The following DGLUCY variants were observed in gnomAD, a reference collection of about 807,000 sequenced individuals.
DGLUCY encodes the protein D-glutamate cyclase, also known as D-glutamate cyclase, mitochondrial.
DGLUCY carries 58 observed loss-of-function variants against 58.5 expected under a neutral mutation model. The observed-to-expected ratio is 0.99, with a 90% confidence interval of 0.80 to 1.23. The LOEUF is 1.23. DGLUCY is among the 50% of genes most tolerant of loss of function. The pLI, the probability that DGLUCY is intolerant of heterozygous loss-of-function variation, is 0.00. For missense variants in DGLUCY, 779 were observed against 784.7 expected (o/e 0.99, Z 0.09); for synonymous variants, 325 against 314.1 (o/e 1.03, Z -0.37).
chr14:91,123,385 TG>T (rs1412811686), intron 1 of DGLUCY, among the ~76,000 whole-genome samples: 1 of 152,030 alleles, frequency 6.6e-6, no homozygotes, highest in Non-Finnish European at 1.5e-5. Context: ...TGGCAGGCCC[TG>T]GCAAATGGCA....
chr14:91,163,050 G>A (rs1239049133), intron 3 of DGLUCY, among the ~76,000 whole-genome samples: 1 of 152,162 alleles, frequency 6.6e-6, no homozygotes, highest in African/African-American at 2.4e-5. Flanking sequence ...CTGAGGTCAG[G>A]AGTTCAAGAT....
intron 1 of DGLUCY, among the ~76,000 whole-genome samples, chr14:91,119,631 G>A (rs1035638574): frequency 1.2e-4 from 19 of 152,048 alleles, no homozygotes; most frequent in East Asian, 3.9e-4. Context: ...CCTCTCCCTC[G>A]GTGTGATGGC....
chr14:91,173,936 C>T (rs1325321115), intron 6 of DGLUCY, among the ~76,000 whole-genome samples: 2 of 151,888 alleles, frequency 1.3e-5, no homozygotes, highest in Non-Finnish European at 2.9e-5. Flanking sequence ...TTCTTGGAAC[C>T]TCCAAAATGC....
chr14:91,147,277 G>A (rs149829654), intron 1 of DGLUCY, among the ~76,000 whole-genome samples: 2 of 152,166 alleles, frequency 1.3e-5, no homozygotes, highest in African/African-American at 4.8e-5. Context: ...TAAAGAATTT[G>A]TGGGGCAGGA....
At chr14:91,060,438 C>T (rs1429571266) in exon 1 of DGLUCY, 2 of 1,472,284 alleles carry the variant, frequency 1.4e-6, no homozygotes, top group African/African-American at 1.5e-5. Context: ...CCTCCATCTT[C>T]TCCTTTTTTT....
At chr14:91,211,839 C>T (rs1796776759) in intron 12 of DGLUCY, among the ~76,000 whole-genome samples, 1 of 148,276 alleles carries the variant, frequency 6.7e-6, no homozygotes, top group African/African-American at 2.5e-5. Context: ...CTTGCTTTGT[C>T]ACCCAGGCTG....
chr14:91,066,877 G>A (rs1008652311), intron 1 of DGLUCY, among the ~76,000 whole-genome samples: 9 of 151,336 alleles, frequency 5.9e-5, no homozygotes, highest in South Asian at 2.1e-4. Flanking sequence ...TCAGGAGATC[G>A]AGACCATCCT....
intron 1 of DGLUCY, among the ~76,000 whole-genome samples, chr14:91,117,315 T>C (rs1343729489): frequency 6.6e-6 from 1 of 152,202 alleles, no homozygotes; most frequent in Non-Finnish European, 1.5e-5. Context: ...CTTTGTGACC[T>C]GTATCTTGTG....
At chr14:91,168,423 C>G (rs376516237) in intron 4 of DGLUCY, among the ~76,000 whole-genome samples, 18 of 152,232 alleles carry the variant, frequency 1.2e-4, no homozygotes, top group African/African-American at 4.1e-4. Context: ...GACAGAAAAC[C>G]CCCCAGGAAC....
At chr14:91,222,626 T>G (rs538990120) in intron 13 of DGLUCY, among the ~76,000 whole-genome samples, 1 of 152,234 alleles carries the variant, frequency 6.6e-6, no homozygotes, top group Non-Finnish European at 1.5e-5. Flanking sequence ...TCAGGCCAGC[T>G]GTGAAGAGAC....
intron 12 of DGLUCY, among the ~76,000 whole-genome samples, chr14:91,207,832 C>G (rs1885015489): frequency 6.6e-6 from 1 of 152,052 alleles, no homozygotes; most frequent in South Asian, 2.1e-4. Context: ...CCACAGCCTC[C>G]TCCTCCCAAG....
intron 4 of DGLUCY, 89 bp downstream of exon 4, chr14:91,167,467 A>G: frequency 6.5e-7 from 1 of 1,538,888 alleles, no homozygotes; most frequent in Non-Finnish European, 9.0e-7. Context: ...CTCTCTGTCC[A>G]GCCTCAGGGA....
rs779989680 is a variant in DGLUCY, at chr14:91,170,116, G to A, written c.371G>A (p.Cys124Tyr). 3.7e-6 allele frequency: 6 copies of A among 1,613,010 alleles called. No individual in the cohort carries two copies. In the East Asian group the frequency reaches 1.3e-4, roughly 36 times the overall value. ...GACATGGTGGCCTTCTTCCTGGGCT[G>A]CAGCTTCTCCCTGGAGGAGGCCTTG... ...LKDMVAFFLGCSFSLEEALEK... is the reference protein window; with the variant it reads ...LKDMVAFFLGYSFSLEEALEK... Residue 124 changes from cysteine (C) to tyrosine (Y), a missense_variant, in exon 5 of 14, where the codon TGC (cysteine) becomes TAC (tyrosine). Transcript: ENST00000256324.
intron 1 of DGLUCY, among the ~76,000 whole-genome samples, chr14:91,117,022 A>G (rs1566947462): frequency 6.6e-6 from 1 of 151,710 alleles, no homozygotes; most frequent in African/African-American, 2.4e-5. Context: ...ACGGTTATTT[A>G]TTGATTATGT....
chr14:91,136,969 CAA>C (rs1276548032), intron 1 of DGLUCY, among the ~76,000 whole-genome samples: 1 of 140,970 alleles, frequency 7.1e-6, no homozygotes. Context: ...AACTTTGTCT[CAA>C]AAAAAAAAAA....
intron 1 of DGLUCY, among the ~76,000 whole-genome samples, chr14:91,093,826 C>G (rs1270908761): frequency 6.8e-6 from 1 of 147,994 alleles, no homozygotes; most frequent in Non-Finnish European, 1.5e-5. Flanking sequence ...AAACAGAAGA[C>G]CATTATGCCA....
chr14:91,161,277 A>C (rs956279765), intron 3 of DGLUCY, among the ~76,000 whole-genome samples: 11 of 152,154 alleles, frequency 7.2e-5, no homozygotes, highest in African/African-American at 2.7e-4. Flanking sequence ...TCACCGTGTT[A>C]GCCAGGATGG....
intron 1 of DGLUCY, among the ~76,000 whole-genome samples, chr14:91,143,321 T>G (rs1293070937): frequency 6.6e-6 from 1 of 151,970 alleles, no homozygotes; most frequent in African/African-American, 2.4e-5. Flanking sequence ...GGTCTTCATC[T>G]CCTGACCTCG....
At chr14:91,116,519 T>G (rs2044954714) in intron 1 of DGLUCY, among the ~76,000 whole-genome samples, 1 of 152,184 alleles carries the variant, frequency 6.6e-6, no homozygotes, top group Non-Finnish European at 1.5e-5. Flanking sequence ...GAAAGTATGA[T>G]CTCAATCCAG....
Sources: gnomAD v4.1 joint callset for allele counts (sites outside exome capture counted in the v4.1 genomes callset) on GRCh38, gnomAD v4.1.1 for gene constraint, MANE v1.5 for transcripts, NCBI Gene and HGNC (gene_info 2026-07-23, HGNC 2026-07-21) for gene names.